Variants in ZNF385B observed in about 807,000 individuals in gnomAD.
ZNF385B encodes zinc finger protein 385B.
ZNF385B carries 23 observed loss-of-function variants against 39.2 expected under a neutral mutation model. That is an observed-to-expected ratio of 0.59 (90% CI 0.42 to 0.83). The LOEUF is 0.83. Ranked by LOEUF, ZNF385B falls within the 40% of genes least tolerant of loss-of-function variation. The pLI is 0.00. For missense variants in ZNF385B, 552 were observed against 598.9 expected (o/e 0.92, Z 0.82); for synonymous variants, 205 against 222.6 (o/e 0.92, Z 0.70).
chr2:179,545,504 T>A (rs1042600551), intron 3 of ZNF385B, among the ~76,000 whole-genome samples: 1 of 152,140 alleles, frequency 6.6e-6, no homozygotes, highest in Non-Finnish European at 1.5e-5. Flanking sequence ...AAACAAACTT[T>A]CTGAAAGTTG....
Position 179,761,463 on chromosome 2 carries a change from CAT to C in ZNF385B, c.298+8038_298+8039del, listed in dbSNP as rs535801652. ...TAATTTTCAGCATACAGATCCTACA[CAT>C]GTTTTTTAAAGTATATAAGTATTTC... On this transcript the variant is annotated intron_variant, in intron 3 of 9. Transcript: ENST00000410066. Among the ~76,000 whole-genome samples the C allele has an allele frequency of 1.2e-3, 188 of 152,190 alleles. 1 individual carries two copies. Among genetic ancestry groups the C allele is most frequent in the Non-Finnish European group, 2.2e-3 (148 of 68,018 alleles).
chr2:179,740,324 G>T (rs949746426), intron 3 of ZNF385B, among the ~76,000 whole-genome samples: 1 of 152,100 alleles, frequency 6.6e-6, no homozygotes, highest in South Asian at 2.1e-4. Context: ...AAGATGATTT[G>T]CTAAATGTCC....
At chr2:179,530,046 T>C (rs10203607) in intron 4 of ZNF385B, among the ~76,000 whole-genome samples, 6,052 of 152,278 alleles carry the variant, frequency 0.04, 208 homozygotes, top group South Asian at 0.1. Context: ...CACTGGAGTG[T>C]AGGTCATGAG....
rs930874734 is a variant in ZNF385B at position 179,597,097 on chromosome 2, C to A, written c.299-52128G>T. On this transcript the variant is annotated intron_variant, in intron 3 of 9. Coordinates refer to ENST00000410066, the MANE Select transcript of ZNF385B (RefSeq NM_152520.6). ...CCCCTACCAGCAGAGTCTTTAATGTCCATATTTCTACTAAGTCTGTTCAAA... is the reference window on the plus strand; with the variant it reads ...CCCCTACCAGCAGAGTCTTTAATGTACATATTTCTACTAAGTCTGTTCAAA... 1.5e-4 allele frequency among the ~76,000 whole-genome samples: 23 copies of A among 152,262 alleles called. No homozygotes were observed. The East Asian group carries it at 4.4e-3, about 29-fold the overall frequency.
intron 3 of ZNF385B, among the ~76,000 whole-genome samples, chr2:179,579,666 CAT>C (rs1686258458): frequency 6.6e-6 from 1 of 151,938 alleles, no homozygotes. Context: ...GTCAATAGCT[CAT>C]ATAATTTAAA....
At chr2:179,839,363 T>C (rs1013299311) in intron 1 of ZNF385B, among the ~76,000 whole-genome samples, 1 of 152,204 alleles carries the variant, frequency 6.6e-6, no homozygotes, top group African/African-American at 2.4e-5. Context: ...CCATTAATTT[T>C]TATTAGTCAA....
intron 3 of ZNF385B, among the ~76,000 whole-genome samples, chr2:179,586,495 C>T (rs573541331): frequency 4.6e-4 from 70 of 152,210 alleles, no homozygotes; most frequent in African/African-American, 1.6e-3. Context: ...CTAAATGACT[C>T]GCCTAAGGTC....
chr2:179,814,524 G>T (rs1424253613), intron 1 of ZNF385B: 10 of 738,122 alleles, frequency 1.4e-5, no homozygotes, highest in Middle Eastern at 2.8e-4. Context: ...GCACATCATG[G>T]TTGTCTTGGG....
intron 1 of ZNF385B, among the ~76,000 whole-genome samples, chr2:179,808,157 C>T (rs926735271): frequency 2.0e-5 from 3 of 151,838 alleles, no homozygotes; most frequent in Admixed American, 1.3e-4. Context: ...CTTAGCCTCC[C>T]CAGCAGCTGG....
intron 3 of ZNF385B, among the ~76,000 whole-genome samples, chr2:179,755,781 C>G (rs933597964): frequency 4.6e-5 from 7 of 152,150 alleles, no homozygotes; most frequent in Admixed American, 4.6e-4. Flanking sequence ...TTTCCATTTG[C>G]TTGGTAGATC....
chr2:179,838,025 T>C (rs1173634671), intron 1 of ZNF385B, among the ~76,000 whole-genome samples: 1 of 151,518 alleles, frequency 6.6e-6, no homozygotes, highest in Non-Finnish European at 1.5e-5. Context: ...GTGCACAATA[T>C]ACCTACAATT....
At chr2:179,771,645 T>C (rs1364178472) in intron 1 of ZNF385B, among the ~76,000 whole-genome samples, 2 of 152,236 alleles carry the variant, frequency 1.3e-5, no homozygotes, top group African/African-American at 4.8e-5. Flanking sequence ...TTGCTTTTAT[T>C]CTTTAAACCT....
chr2:179,647,089 T>C (rs899368214), intron 3 of ZNF385B, among the ~76,000 whole-genome samples: 10 of 152,182 alleles, frequency 6.6e-5, no homozygotes, highest in Non-Finnish European at 1.2e-4. Flanking sequence ...CCATGTATTA[T>C]CTATATGTGA....
At position 179,766,047 on chromosome 2, in the gene ZNF385B, C is replaced by CACACACACACAT. The variant is rs2106496774; in HGVS notation, c.298+3455_298+3456insATGTGTGTGTGT. On this transcript the variant is annotated intron_variant, in intron 3 of 9. Coordinates refer to ENST00000410066, the MANE Select transcript of ZNF385B (RefSeq NM_152520.6). ...TACATTGATCACACACACACACACA[C>CACACACACACAT]ACACACACACACACACACAGCAGAC... 2.0e-5 allele frequency among the ~76,000 whole-genome samples: 3 copies of CACACACACACAT among 151,654 alleles called. No individual in the cohort carries two copies. In the East Asian group the frequency reaches 5.8e-4, roughly 29 times the overall value.
chr2:179,443,803 G>A (rs2049196204), intron 9 of ZNF385B, among the ~76,000 whole-genome samples: 1 of 152,148 alleles, frequency 6.6e-6, no homozygotes, highest in Non-Finnish European at 1.5e-5. Context: ...GCAAAATTCA[G>A]GCTTGTCTTA....
intron 1 of ZNF385B, among the ~76,000 whole-genome samples, chr2:179,785,190 G>A (rs933453713): frequency 6.6e-6 from 1 of 152,020 alleles, no homozygotes; most frequent in Non-Finnish European, 1.5e-5. Context: ...TAGAAGTCAG[G>A]CTAGTCATTA....
chr2:179,547,154 C>T (rs2060287066), intron 3 of ZNF385B, among the ~76,000 whole-genome samples: 1 of 149,562 alleles, frequency 6.7e-6, no homozygotes. Flanking sequence ...AATATTTTCT[C>T]CCATTCTGTG....
chr2:179,497,991 G>C (rs1200520811), intron 5 of ZNF385B, among the ~76,000 whole-genome samples: 3 of 151,978 alleles, frequency 2.0e-5, no homozygotes, highest in African/African-American at 7.2e-5. Flanking sequence ...AGTGATAAAG[G>C]GGTCAATGCA....
intron 3 of ZNF385B, among the ~76,000 whole-genome samples, chr2:179,630,162 G>C (rs1248437544): frequency 6.6e-6 from 1 of 152,230 alleles, no homozygotes; most frequent in East Asian, 1.9e-4. Flanking sequence ...AGAGAGCAGT[G>C]GTTCTCCAAG....
Sources: gnomAD v4.1 joint callset for allele counts (sites outside exome capture counted in the v4.1 genomes callset) on GRCh38, gnomAD v4.1.1 for gene constraint, MANE v1.5 for transcripts, NCBI Gene and HGNC (gene_info 2026-07-23, HGNC 2026-07-21) for gene names.